TRAPPC9: variants seen among roughly 807,000 people sequenced by gnomAD.
TRAPPC9 encodes IKK2 binding protein.
A neutral mutation model predicts 124.0 loss-of-function variants in TRAPPC9; 83 were observed. That is an observed-to-expected ratio of 0.67 (90% CI 0.56 to 0.80). TRAPPC9 has a LOEUF of 0.80. Among genes scored for constraint, TRAPPC9 ranks in the 30% least tolerant of loss-of-function variants. The pLI, the probability that TRAPPC9 is intolerant of heterozygous loss-of-function variation, is 0.00. For synonymous variants in TRAPPC9, 638 were observed against 617.5 expected (o/e 1.03, Z -0.49); for missense variants, 1,302 against 1,508.3 (o/e 0.86, Z 2.27).
At position 139,942,370 on chromosome 8, in the gene TRAPPC9, T is replaced by C. The variant is rs374894118; in HGVS notation, c.2811-32070A>G. On this transcript the variant is annotated intron_variant, in intron 19 of 22. Transcript: ENST00000438773. ...CTTATTTGGATCAGAAATTTGGTCA[T>C]TGGTCATTTTATTTTTAAAAAAAAT... Among the ~76,000 whole-genome samples, 4 of 135,588 alleles carry C rather than the reference T, an allele frequency of 3.0e-5. No individual in the cohort carries two copies. In the East Asian group the frequency reaches 7.5e-4, roughly 25 times the overall value. The allele number at this position is 135,588 out of a possible 152,430, so 89.0% of individuals were successfully genotyped here.
intron 14 of TRAPPC9, among the ~76,000 whole-genome samples, chr8:140,281,378 C>G (rs925203443): frequency 6.6e-6 from 1 of 152,174 alleles, no homozygotes; most frequent in East Asian, 1.9e-4. Flanking sequence ...GACCATCCTT[C>G]CAGGTTGCTT....
rs532614995 is a variant in TRAPPC9, at chr8:140,380,104, C to T, written c.1135-8924G>A. On this transcript the variant is annotated intron_variant, in intron 7 of 22. Coordinates refer to ENST00000438773, the MANE Select transcript of TRAPPC9 (RefSeq NM_001160372.4). ...ATTGACAAGCTTATGCCAAAATTCA[C>T]ATAGAAGTACAAGGAACCCAGAATA... is the stretch of plus-strand genomic sequence containing the variant. Among the ~76,000 whole-genome samples the T allele has an allele frequency of 1.0e-3, 153 of 152,248 alleles. 1 individual carries two copies. The highest frequency in any genetic ancestry group is 3.6e-3 in the African/African-American group (151 of 41,558).
At chr8:140,435,986 C>T (rs535510052) in intron 3 of TRAPPC9, among the ~76,000 whole-genome samples, 1 of 152,154 alleles carries the variant, frequency 6.6e-6, no homozygotes, top group African/African-American at 2.4e-5. Flanking sequence ...GTGGGTTACA[C>T]CTGTAGATAT....
At chr8:140,147,846 A>C (rs946371346) in intron 17 of TRAPPC9, among the ~76,000 whole-genome samples, 2 of 152,394 alleles carry the variant, frequency 1.3e-5, no homozygotes, top group African/African-American at 4.8e-5. Flanking sequence ...GCGGCGGCTC[A>C]GGACAAGCAC....
At chr8:140,126,840 C>T (rs1047497130) in intron 17 of TRAPPC9, among the ~76,000 whole-genome samples, 2 of 152,148 alleles carry the variant, frequency 1.3e-5, no homozygotes, top group African/African-American at 4.8e-5. Flanking sequence ...GACTCACGGG[C>T]GCTGTGACCC....
chr8:140,033,884 G>A (rs903418129), intron 17 of TRAPPC9, among the ~76,000 whole-genome samples: 13 of 151,870 alleles, frequency 8.6e-5, no homozygotes, highest in East Asian at 1.9e-4. Flanking sequence ...GTTTCACCAC[G>A]TTGGTCAGGC....
intron 17 of TRAPPC9, chr8:140,098,993 G>C (rs2060513670): frequency 6.6e-6 from 1 of 152,290 alleles, no homozygotes; most frequent in Non-Finnish European, 1.5e-5. Flanking sequence ...ATCCTCCACA[G>C]CCGTGCACAG....
Position 140,451,508 on chromosome 8 carries a change from C to T in TRAPPC9, c.-10-125G>A, listed in dbSNP as rs572036839. ...GGGGAAGCCCCAAGGAAAGCCGTGG[C>T]ATCAACAGGTCTTAGGGCTCTACAC... On this transcript the variant is annotated intron_variant, in intron 1 of 22. Coordinates refer to ENST00000438773, the MANE Select transcript of TRAPPC9 (RefSeq NM_001160372.4). 5 of 793,770 alleles carry T rather than the reference C, an allele frequency of 6.3e-6. No homozygotes were observed. The East Asian group carries it at 1.1e-4, about 17-fold the overall frequency. The allele number at this position is 793,770 out of a possible 1,614,324, so 49.2% of individuals were successfully genotyped here.
At position 140,252,706 on chromosome 8, in the gene TRAPPC9, A is replaced by G. The variant is rs2064157130; in HGVS notation, c.2431+71T>C. On this transcript the variant is annotated intron_variant, in intron 16 of 22. Coordinates refer to ENST00000438773, the MANE Select transcript of TRAPPC9 (RefSeq NM_001160372.4). This position sits in a 1 kb window ranked among gnomAD's most constrained non-coding sequence, Gnocchi z 4.2. ...GAGTTACAAACAGCAAACAGCAGGCATCAAGGGATGGGGGTTGCTACACAG... is the reference window on the plus strand; with the variant it reads ...GAGTTACAAACAGCAAACAGCAGGCGTCAAGGGATGGGGGTTGCTACACAG... The G allele has an allele frequency of 3.2e-6, 5 of 1,573,720 alleles. No individual in the cohort carries two copies. In the East Asian group the frequency reaches 8.9e-5, roughly 28 times the overall value.
At chr8:140,308,649 G>A (rs920813420) in intron 10 of TRAPPC9, among the ~76,000 whole-genome samples, 2 of 152,148 alleles carry the variant, frequency 1.3e-5, no homozygotes, top group Non-Finnish European at 2.9e-5. Context: ...TTGGGAGGCT[G>A]AGGCGGGCGG....
chr8:139,995,898 CT>C (rs1837934868), intron 18 of TRAPPC9, among the ~76,000 whole-genome samples: 1 of 146,212 alleles, frequency 6.8e-6, no homozygotes, highest in Non-Finnish European at 1.5e-5. Context: ...CAACATTTTC[CT>C]CAGTATTCAA....
chr8:139,767,443 C>T (rs1173096093), intron 21 of TRAPPC9, among the ~76,000 whole-genome samples: 1 of 152,188 alleles, frequency 6.6e-6, no homozygotes, highest in African/African-American at 2.4e-5. Context: ...GGGCAGCATC[C>T]CGTCCTCACG....
At position 139,799,769 on chromosome 8, in the gene TRAPPC9, G is replaced by A. The variant is rs574027051; in HGVS notation, c.3056-67567C>T. On this transcript the variant is annotated intron_variant, in intron 21 of 22. Coordinates refer to ENST00000438773, the MANE Select transcript of TRAPPC9 (RefSeq NM_001160372.4). Reference sequence around the variant, plus strand: ...CTGGCAGGGGAAGGAGCGGGGCTGGGCAGCCTTGGGAAAGGCCCTGCAGTC... The same window carrying A: ...CTGGCAGGGGAAGGAGCGGGGCTGGACAGCCTTGGGAAAGGCCCTGCAGTC... Among the ~76,000 whole-genome samples, 17 of 152,338 alleles carry A rather than the reference G, an allele frequency of 1.1e-4. No individual in the cohort carries two copies. The South Asian group carries it at 3.1e-3, about 28-fold the overall frequency.
chr8:140,209,841 A>G (rs1210518808), intron 17 of TRAPPC9, among the ~76,000 whole-genome samples: 1 of 152,232 alleles, frequency 6.6e-6, no homozygotes, highest in Admixed American at 6.5e-5. Flanking sequence ...TGTATCCCAT[A>G]ATAAGTTGGG....
rs769603177 is a variant in TRAPPC9, at chr8:140,023,996, C to T, written c.2640G>A (p.Leu880=). 6.2e-7 allele frequency: 1 copy of T among 1,614,158 alleles called. No individual in the cohort carries two copies. Among genetic ancestry groups the T allele is most frequent in the Admixed American group, 1.7e-5 (1 of 60,026 alleles). ...EGYYRNLSLG[L]HVEVEPSVFF... Reference sequence around the variant, plus strand: ...ATACAGACGGCTCGACTTCTACATGCAGCCCCAGGGAGAGATTCCTGTAAT... The same window carrying T: ...ATACAGACGGCTCGACTTCTACATGTAGCCCCAGGGAGAGATTCCTGTAAT... Residue 880 remains leucine (L), a synonymous_variant, in exon 18 of 23, where the codon CTG becomes CTA. Coordinates refer to ENST00000438773, the MANE Select transcript of TRAPPC9 (RefSeq NM_001160372.4).
chr8:140,275,099 A>G (rs1233386303), intron 15 of TRAPPC9, among the ~76,000 whole-genome samples: 2 of 152,108 alleles, frequency 1.3e-5, no homozygotes, highest in African/African-American at 4.8e-5. Context: ...CCTGCCAAAC[A>G]CGACCTCCCT....
chr8:139,845,288 C>T (rs1376022206), intron 21 of TRAPPC9, among the ~76,000 whole-genome samples: 4 of 152,166 alleles, frequency 2.6e-5, no homozygotes, highest in Non-Finnish European at 5.9e-5. Flanking sequence ...ACAGTGGTGG[C>T]CCAGGCTGGC....
chr8:139,948,248 AACACACACACACACACAC>A (rs141771160), intron 19 of TRAPPC9, among the ~76,000 whole-genome samples: 219 of 144,444 alleles, frequency 1.5e-3, no homozygotes, highest in Middle Eastern at 3.4e-3. Context: ...TGGTTCATAA[AACACACACACACACACAC>A]ACACACACAC....
chr8:140,083,506 CAGAG>C (rs1843980279), intron 17 of TRAPPC9, among the ~76,000 whole-genome samples: 1 of 152,096 alleles, frequency 6.6e-6, no homozygotes, highest in South Asian at 2.1e-4. Context: ...GCGAGAACCA[CAGAG>C]AGAAAGGTGA....
Sources: allele counts gnomAD v4.1 joint callset (sites outside exome capture counted in the v4.1 genomes callset), GRCh38; gene constraint gnomAD v4.1.1; non-coding constraint Gnocchi (gnomAD v3.1); transcripts MANE v1.5; gene names NCBI Gene and HGNC (gene_info 2026-07-23, HGNC 2026-07-21).